The following ALMS1 variants were observed in gnomAD, a reference collection of about 807,000 sequenced individuals.
The protein encoded by ALMS1 is centrosome-associated protein ALMS1.
A neutral mutation model predicts 352.2 loss-of-function variants in ALMS1; 271 were observed. The observed-to-expected ratio is 0.77, with a 90% CI of 0.70 to 0.85. The LOEUF (loss-of-function observed/expected upper bound fraction) is 0.85, where lower values mean the gene tolerates loss of function less well. Among genes scored for constraint, ALMS1 ranks in the 40% least tolerant of loss-of-function variants. ALMS1 has a pLI of 0.00. For synonymous variants in ALMS1, 1,865 were observed against 1,761.2 expected, an observed-to-expected ratio of 1.06 and a Z score of -1.48; for missense variants, 5,445 against 4,870.7, an observed-to-expected ratio of 1.12 and a Z score of -3.51.
At chr2:73,513,852 A>C (rs1384554423) in intron 10 of ALMS1, among the ~76,000 whole-genome samples, 1 of 152,086 alleles carries the variant, frequency 6.6e-6, no homozygotes, top group Non-Finnish European at 1.5e-5. Context: ...GTGCTAGGAC[A>C]CTTCTTTACA....
intron 21 of ALMS1, chr2:73,603,525 A>T: frequency 1.9e-6 from 1 of 538,758 alleles, no homozygotes; most frequent in South Asian, 2.0e-5. Flanking sequence ...ACTAATTTGC[A>T]TGTCTTAGGC....
chr2:73,606,483 ACAGC>A (rs1558714530), intron 21 of ALMS1, among the ~76,000 whole-genome samples: 1 of 152,234 alleles, frequency 6.6e-6, no homozygotes. Flanking sequence ...CTACAGGAAG[ACAGC>A]CAGGACATCT....
At chr2:73,467,092 T>C (rs773659984) in intron 9 of ALMS1, among the ~76,000 whole-genome samples, 3 of 120,256 alleles carry the variant, frequency 2.5e-5, no homozygotes, top group Non-Finnish European at 5.2e-5. Context: ...TAGGCAAAGG[T>C]TTCTTAAACA....
chr2:73,572,592 A>G lies in ALMS1; in HGVS notation c.10715A>G (p.Lys3572Arg), dbSNP rs778074599. ...AAAAGTCAAGTTAGAGATTATCCAA[A>G]ACATAATGGACAAATTAGTGATCCA... ...TTKSQVRDYP[K>R]HNGQISDPQR... Residue 3572 changes from lysine to arginine, a missense_variant, in exon 16 of 23, where the codon AAA (lysine) becomes AGA (arginine). Lys to Arg is a conservative substitution (Grantham distance 26). Transcript: ENST00000613296. 2.5e-6 allele frequency: 4 copies of G among 1,613,982 alleles called. No homozygotes were observed. The South Asian group carries it at 3.3e-5, about 13-fold the overall frequency.
At chr2:73,605,901 A>G (rs1675807057) in intron 21 of ALMS1, among the ~76,000 whole-genome samples, 1 of 152,178 alleles carries the variant, frequency 6.6e-6, no homozygotes, top group African/African-American at 2.4e-5. Context: ...TGTAGTATCA[A>G]AGAAGATCAA....
In ALMS1 at chr2:73,453,015, A is replaced by G; in HGVS notation, c.6488A>G (p.Glu2163Gly). The change falls in exon 8 of 23, where the codon GAA becomes GGA. Residue 2163 changes from glutamate (E) to glycine (G), a missense_variant. By Grantham distance (98) the Glu-to-Gly change is moderately conservative. Coordinates refer to ENST00000613296, the MANE Select transcript of ALMS1 (RefSeq NM_001378454.1). ...QKDLPDRHLTEDALKISSALG... is the reference protein window; with the variant it reads ...QKDLPDRHLTGDALKISSALG... ...GATTTGCCAGATAGACATCTAACTG[A>G]AGATGCTCTAAAGATCTCAAGTGCT... 2 of 1,613,256 alleles carry G rather than the reference A, an allele frequency of 1.2e-6. No individual in the cohort carries two copies. Among genetic ancestry groups the G allele is most frequent in the South Asian group, 2.2e-5 (2 of 90,988 alleles).
intron 9 of ALMS1, among the ~76,000 whole-genome samples, chr2:73,473,920 AAG>A (rs35028203): frequency 0.48 from 71,578 of 148,310 alleles, 19,401 homozygotes; most frequent in East Asian, 0.76. Context: ...TCTTAGAGGG[AAG>A]AGAGAGAGAG....
chr2:73,556,335 T>G (rs1674541078), intron 13 of ALMS1, among the ~76,000 whole-genome samples: 1 of 152,192 alleles, frequency 6.6e-6, no homozygotes, highest in South Asian at 2.1e-4. Context: ...TAGCAATCTC[T>G]ATTGCCTTTC....
At chr2:73,414,933 C>T (rs1234041148) in intron 2 of ALMS1, among the ~76,000 whole-genome samples, 1 of 152,166 alleles carries the variant, frequency 6.6e-6, no homozygotes, top group African/African-American at 2.4e-5. Context: ...CCATTACTCT[C>T]CAATTCCAGG....
At chr2:73,434,906 C>T (rs113673678) in intron 7 of ALMS1, among the ~76,000 whole-genome samples, 4 of 152,166 alleles carry the variant, frequency 2.6e-5, no homozygotes, top group East Asian at 3.9e-4. Flanking sequence ...CAGCGACTCT[C>T]GTGCCTCAGC....
chr2:73,484,170 G>C (rs1355578193), intron 9 of ALMS1, among the ~76,000 whole-genome samples: 2 of 151,732 alleles, frequency 1.3e-5, no homozygotes, highest in Non-Finnish European at 2.9e-5. Context: ...TCCTAGTCTT[G>C]ATGGTCTTTA....
At position 73,419,209 on chromosome 2, in the gene ALMS1, G is replaced by A. The variant is rs544125936; in HGVS notation, c.537G>A (p.Thr179=). 5 of 1,613,858 alleles carry A rather than the reference G, an allele frequency of 3.1e-6. No individual in the cohort carries two copies. Among genetic ancestry groups the A allele is most frequent in the African/African-American group, 1.3e-5 (1 of 75,022 alleles). The change falls in exon 3 of 23, where the codon ACG becomes ACA. Residue 179 remains threonine, a synonymous_variant. Transcript: ENST00000613296. The part of the protein sequence containing the change: ...DTSQTRFNVR[T]EDTEVTDFPS... ...CCCAGACTAGGTTTAATGTGAGAAC[G>A]GAAGATACTGAAGTGACAGACTTCC...
At chr2:73,488,011 T>C (rs1234354066) in intron 9 of ALMS1, among the ~76,000 whole-genome samples, 2 of 152,186 alleles carry the variant, frequency 1.3e-5, no homozygotes, top group African/African-American at 2.4e-5. Context: ...TGCATGCCAA[T>C]TGGTCCATGG....
In ALMS1 at chr2:73,602,242, C is replaced by T. The variant is rs1270753573; in HGVS notation, c.12172C>T (p.Arg4058Cys). The change falls in exon 20 of 23, where the codon CGC becomes TGC. Residue 4058 changes from arginine (R) to cysteine (C), a missense_variant. By Grantham distance (180) the Arg-to-Cys change is radical. Transcript: ENST00000613296. ...CTCCCGCTCTGGGGAGCGGATAAAG[C>T]GCCTGAAGTTAATAGTCCAGGAGAG... ...FISRSGERIK[R>C]LKLIVQERKL... is the part of the protein sequence containing the mutation. 5.6e-6 allele frequency: 9 copies of T among 1,614,040 alleles called. No individual in the cohort carries two copies. The highest frequency in any genetic ancestry group is 2.2e-5 in the East Asian group (1 of 44,892).
intron 7 of ALMS1, among the ~76,000 whole-genome samples, chr2:73,439,785 C>A (rs187216364): frequency 6.6e-6 from 1 of 151,960 alleles, no homozygotes; most frequent in Non-Finnish European, 1.5e-5. Flanking sequence ...GTGATCCACC[C>A]GCCTTGGCCT....
chr2:73,479,356 T>A (rs1490563000), intron 9 of ALMS1, among the ~76,000 whole-genome samples: 2 of 152,182 alleles, frequency 1.3e-5, no homozygotes, highest in Admixed American at 6.5e-5. Flanking sequence ...TACCTTATAA[T>A]AGCTACTTCC....
At chr2:73,572,227 T>A (rs779412094) in intron 15 of ALMS1, 35 bp from the exon 16 acceptor site, 6 of 1,552,982 alleles carry the variant, frequency 3.9e-6, no homozygotes, top group Non-Finnish European at 1.8e-6. Flanking sequence ...GCTAATTTTT[T>A]AAGTTCTTTC....
rs45608038 is a variant in ALMS1, at chr2:73,451,886, A to C, written c.5359A>C (p.Asn1787His). The C allele has an allele frequency of 1.9e-6, 3 of 1,611,470 alleles. No homozygotes were observed. The highest frequency in any genetic ancestry group is 1.7e-6 in the Non-Finnish European group (2 of 1,179,148). ...AACTGAAGAGGCTCTGAAAGTTTCA[A>C]ATGTTCCTGGACCAGCTGACCAGAA... Reference protein sequence around the residue: ...HLTEEALKVSNVPGPADQKTG... With the variant: ...HLTEEALKVSHVPGPADQKTG... The change falls in exon 8 of 23, where the codon AAT (asparagine) becomes CAT (histidine). Residue 1787 changes from asparagine to histidine, a missense_variant. Physicochemically the swap from Asn to His is moderately conservative, Grantham distance 68. Coordinates refer to ENST00000613296, the MANE Select transcript of ALMS1 (RefSeq NM_001378454.1).
In ALMS1 at chr2:73,609,046, G is replaced by A. The variant is rs376486990; in HGVS notation, c.12462+472G>A. On this transcript the variant is annotated intron_variant, in intron 22 of 22. Coordinates refer to ENST00000613296, the MANE Select transcript of ALMS1 (RefSeq NM_001378454.1). ...CCTGCCCATTGTCCCAGTAGAGTCA[G>A]CGTTGCTGCAAGTCCAAGAACCTCA... 3.2e-4 allele frequency among the ~76,000 whole-genome samples: 48 copies of A among 152,366 alleles called. 1 individual carries two copies. The East Asian group carries it at 4.6e-3, about 15-fold the overall frequency.
Sources: allele counts gnomAD v4.1 joint callset (sites outside exome capture counted in the v4.1 genomes callset), GRCh38; gene constraint gnomAD v4.1.1; transcripts MANE v1.5; gene names NCBI Gene and HGNC (gene_info 2026-07-23, HGNC 2026-07-21).